Variants in DNAH11 observed in about 807,000 individuals in gnomAD.
DNAH11 encodes dynein axonemal heavy chain 11.
Under a neutral mutation model 526.0 loss-of-function variants are expected in DNAH11, and 442 were observed. That is an observed-to-expected ratio of 0.84 (90% CI 0.78 to 0.91). The LOEUF (loss-of-function observed/expected upper bound fraction) is 0.91, where lower values mean the gene tolerates loss of function less well. Ranked by LOEUF, DNAH11 falls within the 40% of genes least tolerant of loss-of-function variation. DNAH11 has a pLI of 0.00. For synonymous variants in DNAH11, 2,461 were observed against 1,935.9 expected, an observed-to-expected ratio of 1.27 and a Z score of -7.12; for missense variants, 6,989 against 5,448.7, an observed-to-expected ratio of 1.28 and a Z score of -8.90.
In DNAH11 at chr7:21,651,503, T is replaced by C. The variant is rs527787630; in HGVS notation, c.4945-4329T>C. ...TCAGCCTCCGGAGTAGCTGGAATTA[T>C]AGGCGCGTGCCACTTTTCCCTTTGT... On this transcript the variant is annotated intron_variant, in intron 28 of 81. Coordinates refer to ENST00000409508, the MANE Select transcript of DNAH11 (RefSeq NM_001277115.2). Among the ~76,000 whole-genome samples, 437 of 152,288 alleles carry C rather than the reference T, an allele frequency of 2.9e-3. 1 individual carries two copies. The highest frequency in any genetic ancestry group is 4.6e-3 in the Non-Finnish European group (311 of 68,014).
intron 62 of DNAH11, among the ~76,000 whole-genome samples, chr7:21,804,816 A>C (rs138131447): frequency 2.0e-5 from 3 of 152,268 alleles, no homozygotes; most frequent in East Asian, 3.9e-4. Context: ...TTACAAACTT[A>C]AGTACATTCA....
At chr7:21,739,439 A>T (rs1785772688) in intron 47 of DNAH11, 132 bp from the exon 48 acceptor site, 4 of 630,676 alleles carry the variant, frequency 6.3e-6, no homozygotes, top group South Asian at 2.3e-5. Flanking sequence ...AATAAGGCTC[A>T]CTAGGTCAAC....
At chr7:21,826,493 C>T (rs1036184737) in intron 65 of DNAH11, among the ~76,000 whole-genome samples, 2 of 151,968 alleles carry the variant, frequency 1.3e-5, no homozygotes, top group African/African-American at 4.8e-5. Context: ...AGTGTTATAA[C>T]AAGAACAGAA....
At chr7:21,803,059 G>A (rs978616280) in intron 62 of DNAH11, among the ~76,000 whole-genome samples, 3 of 151,822 alleles carry the variant, frequency 2.0e-5, no homozygotes, top group Admixed American at 2.0e-4. Context: ...TATAAAGTCT[G>A]TAACTACACT....
chr7:21,603,237 T>G (rs761069501), intron 18 of DNAH11, among the ~76,000 whole-genome samples: 4 of 152,258 alleles, frequency 2.6e-5, no homozygotes, highest in Admixed American at 2.6e-4. Flanking sequence ...TGTTGGTACT[T>G]CATTTCTTTT....
chr7:21,805,049 T>G (rs1309045678), intron 62 of DNAH11, among the ~76,000 whole-genome samples: 2 of 152,150 alleles, frequency 1.3e-5, no homozygotes, highest in East Asian at 3.9e-4. Flanking sequence ...TCCCAGGCAG[T>G]CACATCACTG....
intron 14 of DNAH11, among the ~76,000 whole-genome samples, chr7:21,595,679 G>A (rs1784834975): frequency 1.3e-5 from 2 of 152,176 alleles, no homozygotes; most frequent in African/African-American, 2.4e-5. Flanking sequence ...TAGCCAAGAG[G>A]AGTTGAGTGG....
chr7:21,694,588 C>G (rs574179894), intron 35 of DNAH11, among the ~76,000 whole-genome samples: 1 of 152,232 alleles, frequency 6.6e-6, no homozygotes, highest in South Asian at 2.1e-4. Flanking sequence ...TTTTCTTTTT[C>G]CAGTCTATCA....
At chr7:21,705,079 C>T (rs1056871729) in intron 38 of DNAH11, among the ~76,000 whole-genome samples, 5 of 152,146 alleles carry the variant, frequency 3.3e-5, no homozygotes, top group African/African-American at 1.2e-4. Context: ...TCAGTGAATG[C>T]ATGGATATTG....
chr7:21,642,099 T>TA (rs1787156633), intron 28 of DNAH11, among the ~76,000 whole-genome samples: 1 of 152,204 alleles, frequency 6.6e-6, no homozygotes, highest in Admixed American at 6.5e-5. Flanking sequence ...TTGAAGTGGT[T>TA]ACATATATTT....
rs571798400 is a variant in DNAH11 at position 21,811,290 on chromosome 7, C to G, written c.10332+3241C>G. On this transcript the variant is annotated intron_variant, in intron 63 of 81. Coordinates refer to ENST00000409508, the MANE Select transcript of DNAH11 (RefSeq NM_001277115.2). ...CCAGCCTGGCCAACATGGTGAAACCCCCCCCCCTACTAAAAATTAGCCAGG... is the reference window on the plus strand; with the variant it reads ...CCAGCCTGGCCAACATGGTGAAACCGCCCCCCCTACTAAAAATTAGCCAGG... Among the ~76,000 whole-genome samples, 5 of 151,636 alleles carry G rather than the reference C, an allele frequency of 3.3e-5. No individual in the cohort carries two copies. In the South Asian group the frequency reaches 8.3e-4, roughly 25 times the overall value.
chr7:21,613,145 T>G, intron 20 of DNAH11, among the ~76,000 whole-genome samples: 1 of 151,342 alleles, frequency 6.6e-6, no homozygotes, highest in Middle Eastern at 3.2e-3. Flanking sequence ...TGTAGTACTA[T>G]GCAGTAGGGG....
Position 21,591,411 on chromosome 7 carries a change from T to C in DNAH11, c.2501T>C (p.Val834Ala), listed in dbSNP as rs953148212. The part of the protein sequence containing the change: ...EHRVERTQKN[V>A]KVIQQTMRGW... ...AGAGTTGAGCGCACACAGAAAAACG[T>C]GAAGGTGATCCAGCAGACCATGAGG... Residue 834 changes from valine (V) to alanine (A), a missense_variant, in exon 14 of 82, where the codon GTG (valine) becomes GCG (alanine). Physicochemically the swap from Val to Ala is moderately conservative, Grantham distance 64. Coordinates refer to ENST00000409508, the MANE Select transcript of DNAH11 (RefSeq NM_001277115.2). 28 of 1,613,392 alleles carry C rather than the reference T, an allele frequency of 1.7e-5. No individual in the cohort carries two copies. Among genetic ancestry groups the C allele is most frequent in the Non-Finnish European group, 1.9e-5 (23 of 1,179,818 alleles).
intron 68 of DNAH11, among the ~76,000 whole-genome samples, chr7:21,860,648 G>A (rs6461612): frequency 0.8 from 121,854 of 152,058 alleles, 49,097 homozygotes; most frequent in Non-Finnish European, 0.83. Flanking sequence ...ATGCTGCAAC[G>A]TGGATGAACC....
At chr7:21,603,719 C>G (rs1000526649) in intron 18 of DNAH11, among the ~76,000 whole-genome samples, 3 of 152,074 alleles carry the variant, frequency 2.0e-5, no homozygotes, top group Non-Finnish European at 4.4e-5. Flanking sequence ...AGAGATAAAA[C>G]AGTTACAGTA....
At chr7:21,790,791 G>A (rs1411205686) in intron 61 of DNAH11, among the ~76,000 whole-genome samples, 3 of 152,202 alleles carry the variant, frequency 2.0e-5, no homozygotes, top group Non-Finnish European at 4.4e-5. Flanking sequence ...GTTTTGGCGA[G>A]TATGAGGGAA....
chr7:21,739,792 AT>A, intron 48 of DNAH11, 119 bp downstream of exon 48: 1 of 709,940 alleles, frequency 1.4e-6, no homozygotes, highest in Non-Finnish European at 2.3e-6. Context: ...GCTGTACTAT[AT>A]TTTATTCCCA....
At chr7:21,630,431 T>C (rs984818251) in intron 25 of DNAH11, among the ~76,000 whole-genome samples, 2 of 152,214 alleles carry the variant, frequency 1.3e-5, no homozygotes, top group African/African-American at 4.8e-5. Context: ...TTTAAATACA[T>C]TGTTTAATGT....
chr7:21,883,893 A>C (rs1465458161), intron 75 of DNAH11, among the ~76,000 whole-genome samples: 1 of 152,168 alleles, frequency 6.6e-6, no homozygotes, highest in Admixed American at 6.5e-5. Context: ...TTTTTAAAAA[A>C]TTAGCGAGAT....
Sources: allele counts gnomAD v4.1 joint callset (sites outside exome capture counted in the v4.1 genomes callset), GRCh38; gene constraint gnomAD v4.1.1; transcripts MANE v1.5; gene names NCBI Gene and HGNC (gene_info 2026-07-23, HGNC 2026-07-21).